Variants in VPS13A observed in about 807,000 individuals in gnomAD.
VPS13A encodes the protein vacuolar protein sorting 13 homolog A, also known as intermembrane lipid transfer protein VPS13A.
VPS13A carries 264 observed loss-of-function variants against 390.9 expected under a neutral mutation model. The ratio of observed to expected loss-of-function variants is 0.68; its 90% CI spans 0.61 to 0.75. VPS13A has a LOEUF of 0.75. Ranked by LOEUF, VPS13A falls within the 30% of genes least tolerant of loss-of-function variation. VPS13A has a pLI of 0.00. For synonymous variants in VPS13A, 1,231 were observed against 1,227.1 expected, an observed-to-expected ratio of 1.00 and a Z score of -0.07; for missense variants, 3,409 against 3,733.9, an observed-to-expected ratio of 0.91 and a Z score of 2.27.
At chr9:77,289,472 A>G (rs1055294268) in intron 31 of VPS13A, among the ~76,000 whole-genome samples, 1 of 152,064 alleles carries the variant, frequency 6.6e-6, no homozygotes, top group Non-Finnish European at 1.5e-5. Context: ...AGGGTTTACA[A>G]TGTATATATC....
rs765387858 is a variant in VPS13A, at chr9:77,321,280, A to T, written c.5527A>T (p.Ile1843Phe). 4.3e-6 allele frequency: 7 copies of T among 1,610,484 alleles called. No homozygotes were observed. In the Admixed American group the frequency reaches 8.4e-5, roughly 19 times the overall value. The change falls in exon 43 of 72, where the codon ATT becomes TTT. Residue 1843 changes from isoleucine (I) to phenylalanine (F), a missense_variant. Physicochemically the swap from Ile to Phe is conservative, Grantham distance 21. This residue lies in a region of VPS13A where 2,717 missense variants were observed against 2,917.4 expected (regional missense o/e 0.93). Transcript: ENST00000360280. Reference protein sequence around the residue: ...ISFHSKDQLNITLSKCGLVML... With the variant: ...ISFHSKDQLNFTLSKCGLVML... ...TTTCCATTCAAAAGACCAATTAAAC[A>T]TTACATTATCCAAATGTGGTCTTGT...
intron 68 of VPS13A, among the ~76,000 whole-genome samples, chr9:77,398,788 G>A (rs2131639874): frequency 6.6e-6 from 1 of 152,124 alleles, no homozygotes; most frequent in South Asian, 2.1e-4. Flanking sequence ...ACGCTTTGAC[G>A]TTTATTCAAA....
intron 36 of VPS13A, 95 bp from the exon 37 acceptor site, chr9:77,314,400 A>T (rs1829263542): frequency 1.5e-6 from 2 of 1,296,632 alleles, no homozygotes; most frequent in South Asian, 2.5e-5. Context: ...GATGTTTGTT[A>T]TAAGCAGAGG....
intron 31 of VPS13A, among the ~76,000 whole-genome samples, chr9:77,289,803 CAG>C (rs1441595012): frequency 7.1e-6 from 1 of 141,562 alleles, no homozygotes; most frequent in Non-Finnish European, 1.5e-5. Context: ...TTTTTTGAGA[CAG>C]AGTCTTGCTC....
At chr9:77,360,337 T>C (rs557151632) in intron 58 of VPS13A, among the ~76,000 whole-genome samples, 199 bp from the exon 59 acceptor site, 2 of 152,254 alleles carry the variant, frequency 1.3e-5, no homozygotes, top group South Asian at 4.1e-4. Context: ...ACTTATCTGG[T>C]TCCTCTTTAT....
intron 4 of VPS13A, 40 bp from the exon 5 acceptor site, chr9:77,205,938 T>A: frequency 7.2e-7 from 1 of 1,386,646 alleles, no homozygotes; most frequent in Non-Finnish European, 9.9e-7. Flanking sequence ...ATATTTAAAT[T>A]TAAGGTAGTT....
At chr9:77,414,900 A>G (rs1835110105) in intron 71 of VPS13A, among the ~76,000 whole-genome samples, 1 of 152,122 alleles carries the variant, frequency 6.6e-6, no homozygotes, top group Non-Finnish European at 1.5e-5. Context: ...ACTGTTTACC[A>G]GTTCACCTGT....
rs11145367 is a variant in VPS13A, at chr9:77,282,340, A to G, written c.3118+66A>G. The G allele has an allele frequency of 0.23, 322,727 of 1,410,212 alleles. 40,601 individuals are homozygous for G. Among genetic ancestry groups the G allele is most frequent in the Admixed American group, 0.42 (20,415 of 49,168 alleles). 87.4% of individuals were successfully genotyped at this position (1,410,212 alleles called of 1,614,324 possible). The stretch of plus-strand genomic sequence containing the variant: ...TAACCATGTAGGTCAATAAATCTAG[A>G]CCCTGACTTTATTATTAACTTCAAA... On this transcript the variant is annotated intron_variant, in intron 29 of 71. Transcript: ENST00000360280.
At chr9:77,301,956 TA>T (rs773611291) in intron 33 of VPS13A, among the ~76,000 whole-genome samples, 9 of 150,772 alleles carry the variant, frequency 6.0e-5, no homozygotes, top group South Asian at 4.2e-4. Context: ...TACATAGAGA[TA>T]TTTTTTTTTT....
chr9:77,214,135 G>A (rs1822701717), intron 9 of VPS13A, among the ~76,000 whole-genome samples, 194 bp from the exon 10 acceptor site: 1 of 152,000 alleles, frequency 6.6e-6, no homozygotes, highest in Admixed American at 6.6e-5. Flanking sequence ...AATTAGCCAG[G>A]CACGGTGGGG....
intron 1 of VPS13A, among the ~76,000 whole-genome samples, chr9:77,182,117 G>A (rs1325018346): frequency 2.0e-5 from 3 of 151,584 alleles, no homozygotes; most frequent in African/African-American, 7.3e-5. Flanking sequence ...TTTTTGAGAC[G>A]GAGTCTCGTT....
intron 33 of VPS13A, among the ~76,000 whole-genome samples, chr9:77,297,698 T>C (rs994682832): frequency 6.6e-6 from 1 of 151,938 alleles, no homozygotes; most frequent in Middle Eastern, 3.4e-3. Context: ...TCCCAGGCAT[T>C]GTGCTAAGAA....
Position 77,416,191 on chromosome 9 carries a change from AT to A in VPS13A, c.*186del. 1 of 606,140 alleles carries A rather than the reference AT, an allele frequency of 1.6e-6. No homozygotes were observed. The highest frequency in any genetic ancestry group is 2.0e-5 in the South Asian group (1 of 49,308). 37.5% of individuals were successfully genotyped at this position (606,140 alleles called of 1,614,324 possible). A position where few individuals can be genotyped will look rare whatever the true frequency, so the allele number is the denominator to read the frequency against. On this transcript the variant is annotated 3_prime_UTR_variant, in exon 72 of 72. Transcript: ENST00000360280. ...AAAACCAGAATCAGGTAAAACAGCT[AT>A]GTGATTAAAATATTTTAATTCTTCA... is the stretch of plus-strand genomic sequence containing the variant.
At chr9:77,277,064 T>C (rs1476240921) in intron 26 of VPS13A, among the ~76,000 whole-genome samples, 1 of 152,194 alleles carries the variant, frequency 6.6e-6, no homozygotes, top group African/African-American at 2.4e-5. Context: ...GGATATATGA[T>C]CCCTAAGAAA....
chr9:77,265,278 C>A (rs1373556475), intron 23 of VPS13A, among the ~76,000 whole-genome samples: 1 of 152,102 alleles, frequency 6.6e-6, no homozygotes, highest in Non-Finnish European at 1.5e-5. Context: ...GTGTCTCTGC[C>A]ATGTTTTGGT....
intron 22 of VPS13A, among the ~76,000 whole-genome samples, chr9:77,253,533 C>T (rs572015323): frequency 6.6e-6 from 1 of 152,126 alleles, no homozygotes; most frequent in African/African-American, 2.4e-5. Flanking sequence ...GCTTGATCTC[C>T]TGACCTTGTG....
chr9:77,226,757 TTAGTTTA>T (rs1243568406), intron 15 of VPS13A, among the ~76,000 whole-genome samples, 159 bp downstream of exon 15: 1 of 152,004 alleles, frequency 6.6e-6, no homozygotes, highest in Admixed American at 6.6e-5. Flanking sequence ...AAAATGTGTA[TTAGTTTA>T]AAAATAAAAA....
intron 68 of VPS13A, chr9:77,385,279 A>G (rs907377830): frequency 3.9e-5 from 22 of 567,630 alleles, no homozygotes; most frequent in Non-Finnish European, 4.7e-5. Flanking sequence ...GGAAGAGTAG[A>G]TAGTAAAATA....
At chr9:77,379,331 C>T (rs1833302981) in intron 67 of VPS13A, among the ~76,000 whole-genome samples, 1 of 151,908 alleles carries the variant, frequency 6.6e-6, no homozygotes, top group Non-Finnish European at 1.5e-5. Context: ...ACCTCCGCCT[C>T]CCAAGTTCAA....
Sources: allele counts gnomAD v4.1 joint callset (sites outside exome capture counted in the v4.1 genomes callset), GRCh38; gene constraint gnomAD v4.1.1; regional missense constraint gnomAD v4.1.1; transcripts MANE v1.5; gene names NCBI Gene and HGNC (gene_info 2026-07-23, HGNC 2026-07-21).